Variants in KLF15 observed in about 807,000 individuals in gnomAD.
KLF15 encodes the protein KLF transcription factor 15.
A neutral mutation model predicts 24.6 loss-of-function variants in KLF15; 4 were observed. The observed-to-expected ratio is 0.16, with a 90% CI of 0.08 to 0.37. KLF15 has a LOEUF of 0.37. Ranked by LOEUF, KLF15 falls within the 10% of genes least tolerant of loss-of-function variation. The pLI is 1.00. For synonymous variants in KLF15, 246 were observed against 236.3 expected, an observed-to-expected ratio of 1.04 and a Z score of -0.37; for missense variants, 496 against 560.6, an observed-to-expected ratio of 0.88 and a Z score of 1.16.
At chr3:126,317,654 C>A in the KLF15 span, among the ~76,000 whole-genome samples, 97,460 of 151,932 alleles carry the variant, frequency 0.64, 31,655 homozygotes, top group African/African-American at 0.73. Flanking sequence ...CAAGGGAAGA[C>A]TCAGGGGAGA....
At chr3:126,342,254 G>C (rs573029414), downstream of KLF15, among the ~76,000 whole-genome samples, 5 of 152,306 alleles carry the variant, frequency 3.3e-5, no homozygotes, top group South Asian at 8.3e-4. Context: ...AACATATAGG[G>C]CATGTGTAAT....
At chr3:126,289,441 T>C in the KLF15 span, among the ~76,000 whole-genome samples, 2 of 152,202 alleles carry the variant, frequency 1.3e-5, no homozygotes, top group Non-Finnish European at 2.9e-5. Flanking sequence ...ATATCTGTGT[T>C]GCATAAACAT....
chr3:126,291,503 A>G, the KLF15 span, among the ~76,000 whole-genome samples: 1 of 152,234 alleles, frequency 6.6e-6, no homozygotes, highest in African/African-American at 2.4e-5. Flanking sequence ...GATAAATTAA[A>G]GAGTGTTCTT....
the KLF15 span, among the ~76,000 whole-genome samples, chr3:126,292,870 G>A: frequency 1.3e-5 from 2 of 152,128 alleles, no homozygotes; most frequent in Non-Finnish European, 2.9e-5. Context: ...CAAGCCAGGA[G>A]AGGACAAATC....
chr3:126,329,599 G>A, the KLF15 span, among the ~76,000 whole-genome samples: 5 of 152,028 alleles, frequency 3.3e-5, no homozygotes, highest in African/African-American at 1.2e-4. Flanking sequence ...CCATTGTCGT[G>A]TCATATTGGG....
intron 1 of KLF15, among the ~76,000 whole-genome samples, chr3:126,355,064 G>C (rs1278910936): frequency 6.6e-6 from 1 of 152,262 alleles, no homozygotes; most frequent in Non-Finnish European, 1.5e-5. Context: ...CCCCTCTACT[G>C]TGATGTTAAG....
At chr3:126,300,774 T>A in the KLF15 span, among the ~76,000 whole-genome samples, 1 of 152,156 alleles carries the variant, frequency 6.6e-6, no homozygotes, top group African/African-American at 2.4e-5. Flanking sequence ...GATCAATAGA[T>A]GGATTAGTGG....
At chr3:126,323,463 CAT>C in the KLF15 span, among the ~76,000 whole-genome samples, 16 of 75,446 alleles carry the variant, frequency 2.1e-4, no homozygotes, top group Admixed American at 1.1e-3. Flanking sequence ...ATATATATAA[CAT>C]ATATATGTTA....
the KLF15 span, among the ~76,000 whole-genome samples, chr3:126,289,298 G>A: frequency 6.6e-6 from 1 of 152,184 alleles, no homozygotes; most frequent in South Asian, 2.1e-4. Context: ...AACAAAACCT[G>A]GAAACCGTAA....
At chr3:126,357,167 G>A (rs1477608296) in intron 1 of KLF15, 70 bp downstream of exon 1, 3 of 150,870 alleles carry the variant, frequency 2.0e-5, no homozygotes, top group South Asian at 4.1e-4. Flanking sequence ...CGCGCCCCGA[G>A]GCCGGCCAGC....
the KLF15 span, among the ~76,000 whole-genome samples, chr3:126,306,360 A>G: frequency 5.2e-4 from 79 of 152,328 alleles, no homozygotes; most frequent in African/African-American, 1.8e-3. Flanking sequence ...TCGAAATCAC[A>G]TGGAGAAAAA....
At chr3:126,331,670 A>T in the KLF15 span, among the ~76,000 whole-genome samples, 3 of 152,196 alleles carry the variant, frequency 2.0e-5, no homozygotes, top group African/African-American at 7.2e-5. Flanking sequence ...TGAGCGACGC[A>T]GAAGACGGGT....
At chr3:126,331,420 G>A in the KLF15 span, among the ~76,000 whole-genome samples, 1 of 152,186 alleles carries the variant, frequency 6.6e-6, no homozygotes, top group South Asian at 2.1e-4. Context: ...GAACACATCA[G>A]CTTTCAGTTC....
At chr3:126,303,086 T>A in the KLF15 span, among the ~76,000 whole-genome samples, 1 of 152,156 alleles carries the variant, frequency 6.6e-6, no homozygotes, top group Admixed American at 6.5e-5. Flanking sequence ...TTATCACAGG[T>A]CACCTTCAAG....
At chr3:126,345,618 G>A (rs1441509080) in intron 2 of KLF15, among the ~76,000 whole-genome samples, 1 of 151,616 alleles carries the variant, frequency 6.6e-6, no homozygotes, top group African/African-American at 2.4e-5. Context: ...CACACACACA[G>A]GGACACGAGG....
the KLF15 span, among the ~76,000 whole-genome samples, chr3:126,328,292 CAT>C: frequency 6.6e-6 from 1 of 151,652 alleles, no homozygotes; most frequent in Non-Finnish European, 1.5e-5. Flanking sequence ...AGTATTCCAT[CAT>C]ATATATATAT....
At chr3:126,328,335 A>G in the KLF15 span, among the ~76,000 whole-genome samples, 2 of 152,020 alleles carry the variant, frequency 1.3e-5, no homozygotes, top group Non-Finnish European at 2.9e-5. Context: ...TCGTTGACTG[A>G]TGGGCTTTTG....
At chr3:126,330,209 G>T in the KLF15 span, among the ~76,000 whole-genome samples, 1 of 152,138 alleles carries the variant, frequency 6.6e-6, no homozygotes, top group African/African-American at 2.4e-5. Flanking sequence ...AGAATCCCTC[G>T]TTCCCCACAG....
At chr3:126,327,750 C>G in the KLF15 span, among the ~76,000 whole-genome samples, 1 of 152,142 alleles carries the variant, frequency 6.6e-6, no homozygotes, top group Non-Finnish European at 1.5e-5. Context: ...CGAGTTTGAC[C>G]ATTTCATTGC....
Sources: gnomAD v4.1 joint callset for allele counts (sites outside exome capture counted in the v4.1 genomes callset) on GRCh38, gnomAD v4.1.1 for gene constraint, MANE v1.5 for transcripts, NCBI Gene and HGNC (gene_info 2026-07-23, HGNC 2026-07-21) for gene names.